Variants in PICALM observed in about 807,000 individuals in gnomAD.
The protein encoded by PICALM is phosphatidylinositol-binding clathrin assembly protein.
Under a neutral mutation model 80.5 loss-of-function variants are expected in PICALM, and 40 were observed. The ratio of observed to expected loss-of-function variants is 0.50; its 90% CI spans 0.39 to 0.65. The LOEUF (loss-of-function observed/expected upper bound fraction) is 0.65. PICALM is among the 30% of genes least tolerant of loss of function. PICALM has a pLI of 0.00. For missense variants in PICALM, 676 were observed against 778.9 expected, an observed-to-expected ratio of 0.87 and a Z score of 1.57; for synonymous variants, 288 against 260.3, an observed-to-expected ratio of 1.11 and a Z score of -1.02.
intron 1 of PICALM, among the ~76,000 whole-genome samples, chr11:86,049,430 T>C (rs1462411888): frequency 6.6e-6 from 1 of 152,244 alleles, no homozygotes; most frequent in African/African-American, 2.4e-5. Context: ...CCATTTTGTA[T>C]GTATCAATAA....
chr11:86,052,438 T>C (rs2137383177), intron 1 of PICALM, among the ~76,000 whole-genome samples: 1 of 152,344 alleles, frequency 6.6e-6, no homozygotes, highest in South Asian at 2.1e-4. Context: ...ACTGAAAGTT[T>C]CCTTTCTTTT....
At chr11:86,008,270 T>C (rs1284642631) in intron 7 of PICALM, among the ~76,000 whole-genome samples, 2 of 152,180 alleles carry the variant, frequency 1.3e-5, no homozygotes, top group Non-Finnish European at 2.9e-5. Context: ...CATTTTCTAA[T>C]CAGTCTCCCT....
chr11:86,035,252 T>A (rs2095820697), intron 1 of PICALM, among the ~76,000 whole-genome samples: 1 of 152,088 alleles, frequency 6.6e-6, no homozygotes, highest in African/African-American at 2.4e-5. Flanking sequence ...GTTCACCAAC[T>A]TCAGCCTATA....
At chr11:86,005,561 T>C (rs1169905107) in intron 8 of PICALM, among the ~76,000 whole-genome samples, 1 of 151,996 alleles carries the variant, frequency 6.6e-6, no homozygotes, top group East Asian at 1.9e-4. Context: ...AAAAATTAGT[T>C]GGGTGTGGTG....
In PICALM at chr11:86,010,329, C is replaced by CTT. The variant is rs377755641; in HGVS notation, c.765+699_765+700dup. ...ATCCATTTCTGTCGGGGAACAAAAGCTTTTTTTTTTTTTTTGAGATAGAGT... is the reference window on the plus strand; with the variant it reads ...ATCCATTTCTGTCGGGGAACAAAAGCTTTTTTTTTTTTTTTTTGAGATAGAGT... On this transcript the variant is annotated intron_variant, in intron 7 of 19. Coordinates refer to ENST00000393346, the MANE Select transcript of PICALM (RefSeq NM_007166.4). Among the ~76,000 whole-genome samples, 25 of 141,056 alleles carry CTT rather than the reference C, an allele frequency of 1.8e-4. 1 individual carries two copies. Among genetic ancestry groups the CTT allele is most frequent in the African/African-American group, 6.3e-4 (24 of 38,200 alleles). 92.5% of individuals were successfully genotyped at this position (141,056 alleles called of 152,430 possible). A position where few individuals can be genotyped will look rare whatever the true frequency, so the allele number is the denominator to read the frequency against.
chr11:86,021,326 GA>G (rs1469736535), intron 4 of PICALM, among the ~76,000 whole-genome samples: 1 of 151,794 alleles, frequency 6.6e-6, no homozygotes, highest in African/African-American at 2.4e-5. Context: ...CTCAAAAAGT[GA>G]AAATAAAAAA....
intron 17 of PICALM, 43 bp from the exon 18 acceptor site, chr11:85,976,725 T>C: frequency 8.5e-7 from 1 of 1,177,276 alleles, no homozygotes; most frequent in East Asian, 2.3e-5. Flanking sequence ...GTATAACTCA[T>C]GTGTGTCAAC....
At chr11:85,972,218 T>C (rs1274756932) in intron 19 of PICALM, among the ~76,000 whole-genome samples, 1 of 152,250 alleles carries the variant, frequency 6.6e-6, no homozygotes, top group African/African-American at 2.4e-5. Flanking sequence ...TCTTTACAAC[T>C]ATAGTAGTTA....
At chr11:86,022,341 T>C in intron 4 of PICALM, 26 bp downstream of exon 4, 1 of 1,173,452 alleles carries the variant, frequency 8.5e-7, no homozygotes, top group Non-Finnish European at 1.2e-6. Context: ...TCAAATCAAT[T>C]AGATGTCAAA....
At chr11:86,057,399 C>T (rs2096285732) in intron 1 of PICALM, among the ~76,000 whole-genome samples, 1 of 151,922 alleles carries the variant, frequency 6.6e-6, no homozygotes, top group African/African-American at 2.4e-5. Flanking sequence ...ATTAGCTGGG[C>T]CTGGTGGCTC....
At chr11:86,010,994 G>T in intron 7 of PICALM, 36 bp downstream of exon 7, 1 of 879,176 alleles carries the variant, frequency 1.1e-6, no homozygotes, top group Admixed American at 2.2e-5. Flanking sequence ...CAGACAAAAA[G>T]GCAAGTTAGG....
chr11:86,010,851 T>C (rs1452138908), intron 7 of PICALM, among the ~76,000 whole-genome samples, 179 bp downstream of exon 7: 1 of 152,372 alleles, frequency 6.6e-6, no homozygotes, highest in Middle Eastern at 3.4e-3. Flanking sequence ...ATTTACAGCA[T>C]GTATTTTATT....
chr11:86,009,296 A>C (rs1359156829), intron 7 of PICALM, among the ~76,000 whole-genome samples: 1 of 72,330 alleles, frequency 1.4e-5, no homozygotes, highest in Non-Finnish European at 3.2e-5. Context: ...CTGTCTCAAA[A>C]AAAAAAAAAA....
intron 1 of PICALM, among the ~76,000 whole-genome samples, chr11:86,057,890 C>T (rs2096294130): frequency 1.3e-5 from 2 of 152,146 alleles, no homozygotes; most frequent in South Asian, 4.1e-4. Context: ...ATTTTCTTAT[C>T]TGTGGGAGGT....
intron 3 of PICALM, chr11:86,023,438 T>G (rs1041384853): frequency 1.6e-4 from 159 of 984,876 alleles, no homozygotes; most frequent in Non-Finnish European, 1.9e-4. Context: ...ACGTCAGGTG[T>G]TACATGCTCA....
At chr11:85,972,969 A>G (rs897999301) in intron 19 of PICALM, among the ~76,000 whole-genome samples, 1 of 152,198 alleles carries the variant, frequency 6.6e-6, no homozygotes, top group African/African-American at 2.4e-5. Flanking sequence ...ATTACTATAA[A>G]TACTGTAAAC....
intron 11 of PICALM, among the ~76,000 whole-genome samples, chr11:85,997,792 C>CT (rs1285111237): frequency 1.3e-5 from 2 of 151,000 alleles, no homozygotes; most frequent in Non-Finnish European, 3.0e-5. Flanking sequence ...TGTTGTTTTG[C>CT]TTTTTTTGAG....
At chr11:86,040,701 C>G (rs1448251423) in intron 1 of PICALM, among the ~76,000 whole-genome samples, 2 of 152,216 alleles carry the variant, frequency 1.3e-5, no homozygotes, top group African/African-American at 4.8e-5. Flanking sequence ...CAGGTACAAA[C>G]AGTATAGGTG....
intron 17 of PICALM, 187 bp from the exon 18 acceptor site, chr11:85,976,869 A>G: frequency 2.0e-6 from 1 of 503,284 alleles, no homozygotes; most frequent in Non-Finnish European, 3.6e-6. Flanking sequence ...ATTAGCAGAA[A>G]AGCAGACTTA....
Sources: allele counts gnomAD v4.1 joint callset (sites outside exome capture counted in the v4.1 genomes callset), GRCh38; gene constraint gnomAD v4.1.1; transcripts MANE v1.5; gene names NCBI Gene and HGNC (gene_info 2026-07-23, HGNC 2026-07-21).